ANKRD55: variants seen among roughly 807,000 people sequenced by gnomAD.
ANKRD55 encodes ankyrin repeat domain-containing protein 55.
In ANKRD55, 41 loss-of-function variants were observed where a neutral mutation model predicts 60.6. The observed-to-expected ratio is 0.68, with a 90% CI of 0.53 to 0.88. ANKRD55 has a LOEUF of 0.88. ANKRD55 is among the 40% of genes least tolerant of loss of function. The pLI is 0.00. For synonymous variants in ANKRD55, 264 were observed against 290.3 expected (o/e 0.91, Z 0.92); for missense variants, 732 against 767.6 (o/e 0.95, Z 0.55).
chr5:56,219,391 G>A (rs1411721928), intron 2 of ANKRD55, among the ~76,000 whole-genome samples: 1 of 151,948 alleles, frequency 6.6e-6, no homozygotes, highest in Non-Finnish European at 1.5e-5. Context: ...CACGTATACT[G>A]GAATGACTTC....
At chr5:56,137,413 C>G (rs115158351) in intron 7 of ANKRD55, 16,206 of 882,016 alleles carry the variant, frequency 0.018, 292 homozygotes, top group Admixed American at 0.064. Flanking sequence ...CCCTGCCACA[C>G]TGAGATGATC....
intron 10 of ANKRD55, among the ~76,000 whole-genome samples, chr5:56,103,455 T>A (rs6892592): frequency 0.014 from 2,115 of 152,278 alleles, 46 homozygotes; most frequent in African/African-American, 0.049. Flanking sequence ...ACAAATGTGA[T>A]TTAAATCCAT....
chr5:56,206,700 C>T (rs1312405549), intron 2 of ANKRD55, among the ~76,000 whole-genome samples: 1 of 152,170 alleles, frequency 6.6e-6, no homozygotes, highest in African/African-American at 2.4e-5. Flanking sequence ...CCATTCTGCA[C>T]TCCAAATAAG....
intron 6 of ANKRD55, among the ~76,000 whole-genome samples, chr5:56,157,407 C>G (rs562592022): frequency 6.6e-6 from 1 of 152,072 alleles, no homozygotes; most frequent in African/African-American, 2.4e-5. Context: ...TCCACCAGCC[C>G]GACACATGTA....
At chr5:56,222,315 A>T (rs974146138) in intron 2 of ANKRD55, among the ~76,000 whole-genome samples, 3 of 152,242 alleles carry the variant, frequency 2.0e-5, no homozygotes, top group African/African-American at 7.2e-5. Context: ...TAAGAAACAG[A>T]AAGGACATCC....
At chr5:56,201,436 C>T (rs983871713) in intron 2 of ANKRD55, among the ~76,000 whole-genome samples, 3 of 152,192 alleles carry the variant, frequency 2.0e-5, no homozygotes, top group Non-Finnish European at 4.4e-5. Flanking sequence ...AAATTAGTCT[C>T]ATGTGACTTT....
At chr5:56,106,104 G>A (rs577805699) in intron 10 of ANKRD55, among the ~76,000 whole-genome samples, 4 of 152,232 alleles carry the variant, frequency 2.6e-5, no homozygotes, top group South Asian at 4.2e-4. Flanking sequence ...AATGTTCAGG[G>A]CTGCTGATGT....
intron 7 of ANKRD55, among the ~76,000 whole-genome samples, chr5:56,140,200 A>G (rs1580974557): frequency 6.6e-6 from 1 of 152,230 alleles, no homozygotes; most frequent in African/African-American, 2.4e-5. Flanking sequence ...AAACTCTAAA[A>G]TGAGCACAAT....
intron 2 of ANKRD55, among the ~76,000 whole-genome samples, chr5:56,218,810 A>G (rs111703369): frequency 2.0e-5 from 3 of 149,864 alleles, no homozygotes; most frequent in African/African-American, 4.9e-5. Context: ...ACACACACAG[A>G]GAGAGAGAGA....
chr5:56,138,940 A>G (rs1757681483), intron 7 of ANKRD55, among the ~76,000 whole-genome samples: 1 of 152,170 alleles, frequency 6.6e-6, no homozygotes, highest in African/African-American at 2.4e-5. Flanking sequence ...AATTCCACAG[A>G]ATGTACAATA....
chr5:56,226,881 C>T (rs185208074), intron 2 of ANKRD55, among the ~76,000 whole-genome samples: 37 of 152,330 alleles, frequency 2.4e-4, no homozygotes, highest in African/African-American at 8.4e-4. Flanking sequence ...CACTTTTACA[C>T]TGTTGGTGGG....
At position 56,111,511 on chromosome 5, in the gene ANKRD55, T is replaced by C; in HGVS notation, c.1237A>G (p.Asn413Asp). Residue 413 changes from asparagine (N) to aspartate (D), a missense_variant, in exon 10 of 12, where the codon AAT (asparagine) becomes GAT (aspartate). By Grantham distance (23) the Asn-to-Asp change is conservative (BLOSUM62 1). This residue lies in a region of ANKRD55 where 597 missense variants were observed against 607.5 expected (regional missense o/e 0.98). Coordinates refer to ENST00000341048, the MANE Select transcript of ANKRD55 (RefSeq NM_024669.3). ...TTTTCTGGTAAGAGATATTTTGAATTGTCTGAGGTTTTCTTCTTAAATTCA... is the reference window on the plus strand; with the variant it reads ...TTTTCTGGTAAGAGATATTTTGAATCGTCTGAGGTTTTCTTCTTAAATTCA... ...MVEFKKKTSDNSKYLLPEKKP... is the reference protein window; with the variant it reads ...MVEFKKKTSDDSKYLLPEKKP... 1 of 1,614,154 alleles carries C rather than the reference T, an allele frequency of 6.2e-7. No individual in the cohort carries two copies. The highest frequency in any genetic ancestry group is 8.5e-7 in the Non-Finnish European group (1 of 1,180,034).
intron 6 of ANKRD55, among the ~76,000 whole-genome samples, chr5:56,153,086 TAAGAAAATGA>T (rs1261373434): frequency 6.6e-6 from 1 of 151,852 alleles, no homozygotes; most frequent in East Asian, 1.9e-4. Flanking sequence ...TATAGATCAA[TAAGAAAATGA>T]CAACCCAATG....
At chr5:56,194,334 A>G (rs1759179401) in intron 2 of ANKRD55, among the ~76,000 whole-genome samples, 1 of 151,274 alleles carries the variant, frequency 6.6e-6, no homozygotes, top group African/African-American at 2.4e-5. Context: ...AAAAAAAAAG[A>G]AAATTTTATA....
intron 3 of ANKRD55, among the ~76,000 whole-genome samples, chr5:56,182,134 G>A (rs1387151760): frequency 6.6e-6 from 1 of 152,132 alleles, no homozygotes; most frequent in African/African-American, 2.4e-5. Context: ...AATCTGCCAG[G>A]TGAGGTGGCT....
chr5:56,127,541 T>C (rs1757304193), intron 7 of ANKRD55: 2 of 984,508 alleles, frequency 2.0e-6, no homozygotes, highest in African/African-American at 3.5e-5. Flanking sequence ...GAAGTGACTA[T>C]GATGAGTACT....
intron 7 of ANKRD55, among the ~76,000 whole-genome samples, chr5:56,142,999 T>C (rs1757809717): frequency 6.6e-6 from 1 of 152,202 alleles, no homozygotes; most frequent in South Asian, 2.1e-4. Flanking sequence ...CCACTTCTGC[T>C]GTACTTGGCA....
chr5:56,178,441 G>T (rs763448566), intron 3 of ANKRD55, among the ~76,000 whole-genome samples: 2 of 150,476 alleles, frequency 1.3e-5, no homozygotes, highest in Admixed American at 6.6e-5. Context: ...TCCAAATGGG[G>T]TTCCAAAATT....
intron 6 of ANKRD55, among the ~76,000 whole-genome samples, chr5:56,153,844 AAAC>A (rs968811727): frequency 2.0e-5 from 3 of 151,750 alleles, no homozygotes; most frequent in Non-Finnish European, 4.4e-5. Context: ...GAAAAAAACA[AAAC>A]AACAACAACA....
Sources: allele counts gnomAD v4.1 joint callset (sites outside exome capture counted in the v4.1 genomes callset), GRCh38; gene constraint gnomAD v4.1.1; regional missense constraint gnomAD v4.1.1; transcripts MANE v1.5; gene names NCBI Gene and HGNC (gene_info 2026-07-23, HGNC 2026-07-21).